USP34: variants seen among roughly 807,000 people sequenced by gnomAD.
The protein encoded by USP34 is ubiquitin specific peptidase 34.
Under a neutral mutation model 460.3 loss-of-function variants are expected in USP34, and 70 were observed. That is an observed-to-expected ratio of 0.15 (90% confidence interval 0.13 to 0.19). The LOEUF (loss-of-function observed/expected upper bound fraction) is 0.19, where lower values mean the gene tolerates loss of function less well. USP34 is among the 10% of genes least tolerant of loss of function. USP34 has a pLI of 1.00. For synonymous variants in USP34, 1,647 were observed against 1,405.3 expected (o/e 1.17, Z -3.85); for missense variants, 3,985 against 4,236.2 (o/e 0.94, Z 1.65).
At chr2:61,428,242 CAAA>C (rs370891797) in intron 1 of USP34, among the ~76,000 whole-genome samples, 3 of 95,306 alleles carry the variant, frequency 3.1e-5, no homozygotes, top group African/African-American at 7.6e-5. Flanking sequence ...TAATGATTCT[CAAA>C]AAAAAAAAAA....
intron 3 of USP34, among the ~76,000 whole-genome samples, chr2:61,397,269 C>A (rs189797333): frequency 2.6e-5 from 4 of 151,366 alleles, no homozygotes; most frequent in African/African-American, 9.7e-5. Context: ...ATACTGAAAC[C>A]CTGTCTCTAC....
chr2:61,290,608 T>G (rs1689821237), intron 33 of USP34, among the ~76,000 whole-genome samples: 1 of 152,082 alleles, frequency 6.6e-6, no homozygotes, highest in Admixed American at 6.6e-5. Flanking sequence ...AAAATGAAAA[T>G]CTCATCTATT....
At chr2:61,218,670 C>G (rs1687472356) in intron 67 of USP34, among the ~76,000 whole-genome samples, 1 of 151,890 alleles carries the variant, frequency 6.6e-6, no homozygotes, top group Admixed American at 6.6e-5. Context: ...CTTAGATTTT[C>G]CTTGTTTCTA....
At chr2:61,329,929 C>T (rs1012998306) in intron 20 of USP34, among the ~76,000 whole-genome samples, 8 of 152,278 alleles carry the variant, frequency 5.3e-5, no homozygotes, top group African/African-American at 1.9e-4. Context: ...TACCATACTG[C>T]CTTCCTAATT....
Position 61,283,409 on chromosome 2 carries a change from C to A in USP34, c.4873G>T (p.Val1625Phe). The change falls in exon 36 of 80, where the codon GTT becomes TTT. Residue 1625 changes from valine to phenylalanine, a missense_variant and splice_region_variant. By Grantham distance (50) the Val-to-Phe change is conservative. Around this residue, in one of 14 missense-constraint regions of USP34, gnomAD observed 1,114 missense variants for 1,122.5 expected, o/e 0.99. Transcript: ENST00000398571. ...AAAGTTAACTTTGTGGAACCCTTACCTTCATGTCTAGACCTGTGATCAGAC... is the reference window on the plus strand; with the variant it reads ...AAAGTTAACTTTGTGGAACCCTTACATTCATGTCTAGACCTGTGATCAGAC... Reference protein sequence around the residue: ...AQSDHRSRHEVSHYSMWLLVS... With the variant: ...AQSDHRSRHEFSHYSMWLLVS... 1 of 1,603,772 alleles carries A rather than the reference C, an allele frequency of 6.2e-7. No individual in the cohort carries two copies. The highest frequency in any genetic ancestry group is 1.1e-5 in the South Asian group (1 of 88,608).
chr2:61,444,265 AAAG>A (rs1695048246), intron 1 of USP34, among the ~76,000 whole-genome samples: 1 of 152,166 alleles, frequency 6.6e-6, no homozygotes, highest in Non-Finnish European at 1.5e-5. Flanking sequence ...AATCTATTAA[AAAG>A]AAAAAACTCA....
intron 58 of USP34, among the ~76,000 whole-genome samples, chr2:61,230,318 G>C (rs573665620): frequency 6.6e-6 from 1 of 152,212 alleles, no homozygotes; most frequent in African/African-American, 2.4e-5. Flanking sequence ...CTGAGGTCAG[G>C]AGTTCGAGAC....
Position 61,336,805 on chromosome 2 carries a change from A to G in USP34, c.2744+2546T>C, listed in dbSNP as rs1157698977. On this transcript the variant is annotated intron_variant, in intron 18 of 79. Transcript: ENST00000398571. ...AGCCTGAGAAACTGACTGAGACTCC[A>G]TCTCAAAAAAAAAAAAAAAAAAAAA... 1.4e-4 allele frequency among the ~76,000 whole-genome samples: 13 copies of G among 96,068 alleles called. No homozygotes were observed. The South Asian group carries it at 2.0e-3, about 15-fold the overall frequency. The allele number at this position is 96,068 out of a possible 152,430, so 63.0% of individuals were successfully genotyped here. A position where few individuals can be genotyped will look rare whatever the true frequency, so the allele number is the denominator to read the frequency against.
chr2:61,291,230 C>G (rs1284942722), intron 33 of USP34, among the ~76,000 whole-genome samples: 1 of 152,060 alleles, frequency 6.6e-6, no homozygotes, highest in African/African-American at 2.4e-5. Context: ...CAAGGAAATG[C>G]AAATCAAAAC....
In USP34 at chr2:61,314,767, C is replaced by G. The variant is rs1222093415; in HGVS notation, c.3383-23G>C. 8.6e-5 allele frequency: 135 copies of G among 1,575,840 alleles called. No homozygotes were observed. The East Asian group carries it at 3.0e-3, about 35-fold the overall frequency. ...TACCTGAAAGCCAAATGTTTAGACA[C>G]ATATATTAGCCTTATATTCTTGTTT... On this transcript the variant is annotated intron_variant, in intron 24 of 79. Coordinates refer to ENST00000398571, the MANE Select transcript of USP34 (RefSeq NM_014709.4).
intron 41 of USP34, among the ~76,000 whole-genome samples, chr2:61,276,123 C>T (rs543215923): frequency 6.6e-6 from 1 of 152,150 alleles, no homozygotes; most frequent in African/African-American, 2.4e-5. Flanking sequence ...AAAACTAAAT[C>T]AACATCAAAA....
At chr2:61,318,383 TAC>T (rs1469608945) in intron 22 of USP34, among the ~76,000 whole-genome samples, 1 of 152,118 alleles carries the variant, frequency 6.6e-6, no homozygotes, top group East Asian at 1.9e-4. Context: ...TAGCTACAAG[TAC>T]AGTTTTTGTT....
chr2:61,375,598 T>A (rs952680450), intron 8 of USP34, among the ~76,000 whole-genome samples: 11 of 151,644 alleles, frequency 7.3e-5, no homozygotes, highest in African/African-American at 2.4e-5. Flanking sequence ...TGAAACCCCG[T>A]CTCTACTAAA....
chr2:61,375,980 T>C (rs191610012), intron 8 of USP34, among the ~76,000 whole-genome samples: 1 of 152,180 alleles, frequency 6.6e-6, no homozygotes, highest in Non-Finnish European at 1.5e-5. Flanking sequence ...CTACTATCAT[T>C]TGATTCCTTT....
intron 1 of USP34, among the ~76,000 whole-genome samples, chr2:61,440,518 A>ATT (rs1229533998): frequency 1.0e-3 from 147 of 140,334 alleles, no homozygotes; most frequent in African/African-American, 3.6e-3. Flanking sequence ...CCCTTTTTAA[A>ATT]TTTTTTTTTT....
At chr2:61,202,744 A>C (rs1687011983) in intron 75 of USP34, among the ~76,000 whole-genome samples, 1 of 152,146 alleles carries the variant, frequency 6.6e-6, no homozygotes, top group Non-Finnish European at 1.5e-5. Context: ...CCAGCTCCAA[A>C]GCACAGCTGG....
intron 7 of USP34, among the ~76,000 whole-genome samples, chr2:61,379,096 A>G (rs1692893427): frequency 6.6e-6 from 1 of 152,128 alleles, no homozygotes. Flanking sequence ...AGATAAATCC[A>G]CTCAAGATTT....
intron 42 of USP34, 45 bp downstream of exon 42, chr2:61,265,939 T>G: frequency 6.7e-7 from 1 of 1,486,848 alleles, no homozygotes; most frequent in East Asian, 2.3e-5. Context: ...ATCTTATTTC[T>G]GAATTCAAAA....
intron 3 of USP34, among the ~76,000 whole-genome samples, chr2:61,403,328 A>G (rs1693775685): frequency 6.6e-6 from 1 of 152,156 alleles, no homozygotes; most frequent in Non-Finnish European, 1.5e-5. Context: ...CAGCAGACTC[A>G]GTATTACTTA....
Sources: allele counts gnomAD v4.1 joint callset (sites outside exome capture counted in the v4.1 genomes callset), GRCh38; gene constraint gnomAD v4.1.1; regional missense constraint gnomAD v4.1.1; transcripts MANE v1.5; gene names NCBI Gene and HGNC (gene_info 2026-07-23, HGNC 2026-07-21).